Variants in FAT2 observed in about 807,000 individuals in gnomAD.
FAT2 encodes the protein FAT atypical cadherin 2, also known as protocadherin Fat 2.
Under a neutral mutation model 295.3 loss-of-function variants are expected in FAT2, and 150 were observed. The observed-to-expected ratio is 0.51, with a 90% CI of 0.44 to 0.58. FAT2 has a LOEUF of 0.58. Among genes scored for constraint, FAT2 ranks in the 20% least tolerant of loss-of-function variants. The pLI, the probability that FAT2 is intolerant of heterozygous loss-of-function variation, is 0.00. For synonymous variants in FAT2, 2,026 were observed against 2,150.3 expected (o/e 0.94, Z 1.60); for missense variants, 4,868 against 5,442.7 (o/e 0.89, Z 3.32).
Position 151,512,153 on chromosome 5 carries a change from C to T in FAT2, c.11905+12G>A, listed in dbSNP as rs1443497076. On this transcript the variant is annotated intron_variant, in intron 21 of 23. Transcript: ENST00000261800. The surrounding 1 kb of genome is among the most constrained non-coding windows in gnomAD (Gnocchi z 4.1). Reference sequence around the variant, plus strand: ...ATAAACCCTGGGTTCAGCCTGGCACCCCAGCCCTCACCTGCCCCATGGGTC... The same window carrying T: ...ATAAACCCTGGGTTCAGCCTGGCACTCCAGCCCTCACCTGCCCCATGGGTC... 3 of 1,607,260 alleles carry T rather than the reference C, an allele frequency of 1.9e-6. No homozygotes were observed. The highest frequency in any genetic ancestry group is 2.6e-6 in the Non-Finnish European group (3 of 1,174,628).
intron 11 of FAT2, 122 bp from the exon 12 acceptor site, chr5:151,538,068 A>T (rs944772135): frequency 4.1e-5 from 30 of 734,434 alleles, no homozygotes; most frequent in Middle Eastern, 5.0e-4. Flanking sequence ...GGCAGAGACG[A>T]AGAGAGACAG....
At chr5:151,529,638 T>C (rs1460812444) in intron 14 of FAT2, among the ~76,000 whole-genome samples, 1 of 152,210 alleles carries the variant, frequency 6.6e-6, no homozygotes, top group African/African-American at 2.4e-5. Flanking sequence ...TAATATTTGA[T>C]TTAAATCTCA....
intron 1 of FAT2, among the ~76,000 whole-genome samples, chr5:151,574,796 G>C (rs1758681124): frequency 6.6e-6 from 1 of 151,670 alleles, no homozygotes; most frequent in Non-Finnish European, 1.5e-5. Flanking sequence ...TCATTTGTTA[G>C]TTTGTAGGCA....
Position 151,567,851 on chromosome 5 carries a change from T to C in FAT2, c.1081A>G (p.Lys361Glu), listed in dbSNP as rs1758352081. ...ACTCTGTAAACAGCCTTCTCGAATT[T>C]GAGGGAAGACAGTTTGGAAGGTGGT... Reference protein sequence around the residue: ...HLPPSKLSSLKFEKAVYRVQL... With the variant: ...HLPPSKLSSLEFEKAVYRVQL... The change falls in exon 2 of 24, where the codon AAA becomes GAA. Residue 361 changes from lysine (K) to glutamate (E), a missense_variant. Lys to Glu is a moderately conservative substitution (Grantham distance 56). Coordinates refer to ENST00000261800, the MANE Select transcript of FAT2 (RefSeq NM_001447.3). The C allele has an allele frequency of 1.9e-6, 3 of 1,614,136 alleles. No individual in the cohort carries two copies. Among genetic ancestry groups the C allele is most frequent in the Non-Finnish European group, 2.5e-6 (3 of 1,180,022 alleles).
chr5:151,505,640 G>A lies in FAT2; in HGVS notation c.12975C>T (p.Pro4325=), dbSNP rs1457285480. 2 of 1,614,156 alleles carry A rather than the reference G, an allele frequency of 1.2e-6. No homozygotes were observed. Among genetic ancestry groups the A allele is most frequent in the Admixed American group, 3.3e-5 (2 of 60,028 alleles). Residue 4325 remains proline (P), a synonymous_variant, in exon 24 of 24, where the codon CCC becomes CCT. Coordinates refer to ENST00000261800, the MANE Select transcript of FAT2 (RefSeq NM_001447.3). ...EGAPLAGQGQ[P]RVPPNYEGSD... is the part of the protein sequence containing the mutation. ...AGCCCTCATAGTTGGGGGGCACCCG[G>A]GGCTGGCCCTGGCCTGCAAGAGGTG...
chr5:151,516,231 C>T (rs1210969838), intron 20 of FAT2, among the ~76,000 whole-genome samples: 1 of 152,178 alleles, frequency 6.6e-6, no homozygotes, highest in Non-Finnish European at 1.5e-5. Flanking sequence ...GTAACTCCGG[C>T]TGGGCATGTG....
chr5:151,586,846 G>A (rs552573311), intron 1 of FAT2, among the ~76,000 whole-genome samples: 1 of 152,226 alleles, frequency 6.6e-6, no homozygotes, highest in Non-Finnish European at 1.5e-5. Flanking sequence ...TGTTGACCAG[G>A]CACAGTGGCT....
chr5:151,542,981 C>T lies in FAT2; in HGVS notation c.8146G>A (p.Val2716Met). The T allele has an allele frequency of 1.2e-6, 2 of 1,614,224 alleles. No homozygotes were observed. Among genetic ancestry groups the T allele is most frequent in the Non-Finnish European group, 8.5e-7 (1 of 1,180,040 alleles). Reference sequence around the variant, plus strand: ...TAGATGACTGGATCTTGAGCTGCCACTGCTTTAACAATCCCAATTTCAGAC... The same window carrying T: ...TAGATGACTGGATCTTGAGCTGCCATTGCTTTAACAATCCCAATTTCAGAC... ...EGSEIGIVKA[V>M]AAQDPVIYSL... Residue 2716 changes from valine to methionine, a missense_variant, in exon 10 of 24, where the codon GTG (valine) becomes ATG (methionine). Transcript: ENST00000261800.
At chr5:151,580,813 C>T (rs7714116) in intron 1 of FAT2, among the ~76,000 whole-genome samples, 2,074 of 152,314 alleles carry the variant, frequency 0.014, 46 homozygotes, top group African/African-American at 0.048. Context: ...TAAAAACATA[C>T]ATCTCCCGAT....
chr5:151,544,998 C>G lies in FAT2; in HGVS notation c.6129G>C (p.Arg2043Ser), dbSNP rs1484990809. 6.2e-7 allele frequency: 1 copy of G among 1,614,130 alleles called. No homozygotes were observed. The highest frequency in any genetic ancestry group is 8.5e-7 in the Non-Finnish European group (1 of 1,180,034). Residue 2043 changes from arginine (R) to serine (S), a missense_variant, in exon 10 of 24, where the codon AGG becomes AGC. This residue lies in a region of FAT2 where 3,297 missense variants were observed against 3,669.4 expected (regional missense o/e 0.90). Coordinates refer to ENST00000261800, the MANE Select transcript of FAT2 (RefSeq NM_001447.3). ...QDTHELAVEV[R>S]DNRTPQRVAQ... ...CCACCCGCTGAGGTGTCCGATTGTC[C>G]CTCACTTCCACTGCCAACTCATGAG...
Position 151,551,600 on chromosome 5 carries a change from T to A in FAT2, c.4163A>T (p.Asp1388Val). ...CTCAATGTCAAAGTCCATGTCCTTATCCCCACCTAGAGTGGGAGTGGGGAG... is the reference window on the plus strand; with the variant it reads ...CTCAATGTCAAAGTCCATGTCCTTAACCCCACCTAGAGTGGGAGTGGGGAG... Reference protein sequence around the residue: ...GLFWFNISGGDKDMDFDIEKT... With the variant: ...GLFWFNISGGVKDMDFDIEKT... Residue 1388 changes from aspartate (D) to valine (V), a missense_variant, in exon 7 of 24, where the codon GAT (aspartate) becomes GTT (valine). Asp to Val is a radical substitution (Grantham distance 152). Coordinates refer to ENST00000261800, the MANE Select transcript of FAT2 (RefSeq NM_001447.3). 6.2e-7 allele frequency: 1 copy of A among 1,614,144 alleles called. No individual in the cohort carries two copies. Among genetic ancestry groups the A allele is most frequent in the South Asian group, 1.1e-5 (1 of 91,084 alleles).
rs150543833 is a variant in FAT2 at position 151,507,601 on chromosome 5, C to T, written c.12070G>A (p.Glu4024Lys). The change falls in exon 23 of 24, where the codon GAG becomes AAG. Residue 4024 changes from glutamate to lysine, a missense_variant. This residue lies in a region of FAT2 where 492 missense variants were observed against 482.6 expected (regional missense o/e 1.02). Coordinates refer to ENST00000261800, the MANE Select transcript of FAT2 (RefSeq NM_001447.3). ...HPYTGDRCEM[E>K]ARGCSEGHCL... ...TGTCCTTCTGAACAACCCCTCGCCT[C>T]CATTTCACACCTGCGGAGACAGAGT... 11 of 1,586,034 alleles carry T rather than the reference C, an allele frequency of 6.9e-6. No individual in the cohort carries two copies. Among genetic ancestry groups the T allele is most frequent in the South Asian group, 1.1e-5 (1 of 88,952 alleles).
intron 15 of FAT2, among the ~76,000 whole-genome samples, chr5:151,528,655 G>A (rs1448362743): frequency 2.0e-5 from 3 of 152,162 alleles, no homozygotes; most frequent in African/African-American, 4.8e-5. Context: ...TGGAGCATAG[G>A]GTGCACCATA....
At chr5:151,515,565 C>T (rs971145460) in intron 20 of FAT2, among the ~76,000 whole-genome samples, 5 of 152,206 alleles carry the variant, frequency 3.3e-5, no homozygotes, top group African/African-American at 1.2e-4. Context: ...CATACCCTTC[C>T]CCAGGCCTGC....
intron 14 of FAT2, 67 bp from the exon 15 acceptor site, chr5:151,529,459 C>A: frequency 7.2e-7 from 1 of 1,395,780 alleles, no homozygotes; most frequent in South Asian, 1.2e-5. Flanking sequence ...GACTGAGGGT[C>A]TGAGCCCAGC....
rs2127619521 is a variant in FAT2 at position 151,549,450 on chromosome 5, A to G, written c.4634T>C (p.Val1545Ala). 6.2e-7 allele frequency: 1 copy of G among 1,614,214 alleles called. No homozygotes were observed. Among genetic ancestry groups the G allele is most frequent in the South Asian group, 1.1e-5 (1 of 91,084 alleles). The change falls in exon 9 of 24, where the codon GTG becomes GCG. Residue 1545 changes from valine (V) to alanine (A), a missense_variant. Val to Ala is a moderately conservative substitution (Grantham distance 64). Transcript: ENST00000261800. ...GGGTGGGTGGAGGTTTCCATCCTCC[A>G]CATGAATGGTCACCCACACGAAGTT... ...KRNFVWVTIH[V>A]EDGNLHPPRF... is the part of the protein sequence containing the mutation.
intron 1 of FAT2, among the ~76,000 whole-genome samples, chr5:151,579,518 A>G (rs1387029138): frequency 1.3e-5 from 2 of 152,134 alleles, no homozygotes; most frequent in Non-Finnish European, 2.9e-5. Context: ...GCTGCAGTGA[A>G]CAATGATCAC....
Position 151,542,647 on chromosome 5 carries a change from C to T in FAT2, c.8480G>A (p.Gly2827Glu), listed in dbSNP as rs1756264555. The change falls in exon 10 of 24, where the codon GGG becomes GAG. Residue 2827 changes from glycine to glutamate, a missense_variant. Physicochemically the swap from Gly to Glu is moderately conservative, Grantham distance 98. Coordinates refer to ENST00000261800, the MANE Select transcript of FAT2 (RefSeq NM_001447.3). ...CCTGTAGCTCACCTGGCCATCTCTC[C>T]CAGTGTCCTTGTCAATGGCAGTCAC... ...IQVTAIDKDTGRDGQVSYRLS... is the reference protein window; with the variant it reads ...IQVTAIDKDTERDGQVSYRLS... 2 of 1,614,216 alleles carry T rather than the reference C, an allele frequency of 1.2e-6. No individual in the cohort carries two copies. The highest frequency in any genetic ancestry group is 1.7e-6 in the Non-Finnish European group (2 of 1,180,034).
rs1258510867 is a variant in FAT2 at position 151,505,689 on chromosome 5, T to G, written c.12926A>C (p.Tyr4309Ser). ...TGCCCCCTCCACCTCACAGACAGCATAAGAGGGCCCAGCTCGGCTGAGGCG... is the reference window on the plus strand; with the variant it reads ...TGCCCCCTCCACCTCACAGACAGCAGAAGAGGGCCCAGCTCGGCTGAGGCG... ...GMRLSRAGPS[Y>S]AVCEVEGAPL... Residue 4309 changes from tyrosine to serine, a missense_variant, in exon 24 of 24, where the codon TAT becomes TCT. By Grantham distance (144) the Tyr-to-Ser change is moderately radical (BLOSUM62 -2). This residue lies in a region of FAT2 where 492 missense variants were observed against 482.6 expected (regional missense o/e 1.02). Transcript: ENST00000261800. The G allele has an allele frequency of 1.2e-6, 2 of 1,614,012 alleles. No individual in the cohort carries two copies. The highest frequency in any genetic ancestry group is 2.2e-5 in the South Asian group (2 of 91,070).
Sources: gnomAD v4.1 joint callset for allele counts (sites outside exome capture counted in the v4.1 genomes callset) on GRCh38, gnomAD v4.1.1 for gene constraint, gnomAD v4.1.1 regional missense constraint, Gnocchi (gnomAD v3.1) non-coding constraint, MANE v1.5 for transcripts, NCBI Gene and HGNC (gene_info 2026-07-23, HGNC 2026-07-21) for gene names.